ZFAT: variants seen among roughly 807,000 people sequenced by gnomAD.
ZFAT encodes zinc finger protein ZFAT.
ZFAT carries 64 observed loss-of-function variants against 117.7 expected under a neutral mutation model. The ratio of observed to expected loss-of-function variants is 0.54; its 90% CI spans 0.44 to 0.67. The LOEUF is 0.67. Ranked by LOEUF, ZFAT falls within the 30% of genes least tolerant of loss-of-function variation. ZFAT has a pLI of 0.00. For synonymous variants in ZFAT, 679 were observed against 615.0 expected, an observed-to-expected ratio of 1.10 and a Z score of -1.54; for missense variants, 1,433 against 1,584.5, an observed-to-expected ratio of 0.90 and a Z score of 1.62.
rs139556961 is a variant in ZFAT at position 134,674,027 on chromosome 8, A to T, written c.20-16290T>A. Among the ~76,000 whole-genome samples the T allele has an allele frequency of 9.1e-3, 1,383 of 152,328 alleles. 21 individuals are homozygous for T. The highest frequency in any genetic ancestry group is 0.032 in the African/African-American group (1,315 of 41,566). On this transcript the variant is annotated intron_variant, in intron 1 of 15. Transcript: ENST00000377838. Reference sequence around the variant, plus strand: ...TGGTCTGCAGCTCCCAGTGAGAGCGAAGCAGAAGGTGGGTAATTCCTGCAT... The same window carrying T: ...TGGTCTGCAGCTCCCAGTGAGAGCGTAGCAGAAGGTGGGTAATTCCTGCAT...
At chr8:134,523,610 A>G (rs78711109) in intron 12 of ZFAT, among the ~76,000 whole-genome samples, 717 of 152,274 alleles carry the variant, frequency 4.7e-3, no homozygotes, top group Non-Finnish European at 7.6e-3. Flanking sequence ...AAACCCTTCC[A>G]ATGGTCTTCT....
chr8:134,482,148 GTCTCCCACCTTGACTTCT>G (rs1301608931), intron 15 of ZFAT, among the ~76,000 whole-genome samples: 1 of 152,084 alleles, frequency 6.6e-6, no homozygotes, highest in African/African-American at 2.4e-5. Context: ...GGATTCCTGG[GTCTCCCACCTTGACTTCT>G]TCTCTGACCC....
At chr8:134,688,057 G>A (rs970967854) in intron 1 of ZFAT, among the ~76,000 whole-genome samples, 1 of 152,130 alleles carries the variant, frequency 6.6e-6, no homozygotes, top group Non-Finnish European at 1.5e-5. Flanking sequence ...CTCAAAAATG[G>A]AGATAACCAC....
chr8:134,646,149 C>G (rs1385911596), intron 2 of ZFAT, among the ~76,000 whole-genome samples: 1 of 152,090 alleles, frequency 6.6e-6, no homozygotes, highest in East Asian at 1.9e-4. Flanking sequence ...GCGGAGGTTG[C>G]AGTGAGCCGA....
chr8:134,696,548 C>G lies in ZFAT; in HGVS notation c.19+16297G>C, dbSNP rs114710253. On this transcript the variant is annotated intron_variant, in intron 1 of 15. Coordinates refer to ENST00000377838, the MANE Select transcript of ZFAT (RefSeq NM_020863.4). ...CATCTACACCCTTTCTTCTCAGACTCCTGCACTCTCCCAGGAAGCCCTACC... is the reference window on the plus strand; with the variant it reads ...CATCTACACCCTTTCTTCTCAGACTGCTGCACTCTCCCAGGAAGCCCTACC... 1.9e-4 allele frequency: 186 copies of G among 986,126 alleles called. No homozygotes were observed. The African/African-American group carries it at 2.8e-3, about 15-fold the overall frequency. 61.1% of individuals were successfully genotyped at this position (986,126 alleles called of 1,614,324 possible).
At chr8:134,637,792 A>T in intron 2 of ZFAT, 80 bp from the exon 3 acceptor site, 16 of 1,525,894 alleles carry the variant, frequency 1.0e-5, no homozygotes, top group Non-Finnish European at 1.4e-5. Flanking sequence ...AAGTGTGAGG[A>T]TATGTTCAGG....
At chr8:134,578,282 G>A (rs935163172) in intron 10 of ZFAT, among the ~76,000 whole-genome samples, 3 of 151,744 alleles carry the variant, frequency 2.0e-5, no homozygotes, top group African/African-American at 4.8e-5. Flanking sequence ...GTGGTGGTGG[G>A]TGCCTGTAAT....
the ZFAT span, among the ~76,000 whole-genome samples, chr8:134,788,617 A>C: frequency 6.6e-6 from 1 of 152,138 alleles, no homozygotes; most frequent in Non-Finnish European, 1.5e-5. Flanking sequence ...GATCCTCTGC[A>C]TCTGATTTTT....
At chr8:134,691,773 T>A (rs929082294) in intron 1 of ZFAT, among the ~76,000 whole-genome samples, 2 of 152,186 alleles carry the variant, frequency 1.3e-5, no homozygotes, top group East Asian at 3.8e-4. Flanking sequence ...CTCAATAGAT[T>A]GTAAGCTCCA....
intron 1 of ZFAT, among the ~76,000 whole-genome samples, chr8:134,683,351 G>A (rs1833159441): frequency 6.6e-6 from 1 of 152,192 alleles, no homozygotes; most frequent in Admixed American, 6.5e-5. Context: ...ACAGCTACTT[G>A]ATGAATCGCA....
At chr8:134,746,721 T>G in the ZFAT span, among the ~76,000 whole-genome samples, 1 of 152,232 alleles carries the variant, frequency 6.6e-6, no homozygotes, top group Non-Finnish European at 1.5e-5. Context: ...AAGTAAGTTT[T>G]TTAGCTCTTC....
chr8:134,706,155 C>G (rs1380769004), intron 1 of ZFAT, among the ~76,000 whole-genome samples: 3 of 152,166 alleles, frequency 2.0e-5, no homozygotes, highest in Non-Finnish European at 4.4e-5. Flanking sequence ...AATTCCACTC[C>G]TATGTACTTA....
chr8:134,535,417 A>C (rs895791638), intron 11 of ZFAT, among the ~76,000 whole-genome samples: 3 of 151,030 alleles, frequency 2.0e-5, no homozygotes, highest in African/African-American at 7.3e-5. Context: ...CTTTCTTACT[A>C]TTCAACTGAT....
chr8:134,772,922 AAAC>A, the ZFAT span, among the ~76,000 whole-genome samples: 80 of 151,646 alleles, frequency 5.3e-4, no homozygotes, highest in African/African-American at 1.8e-3. Context: ...AAAAAGAACA[AAAC>A]AACAACAACA....
intron 11 of ZFAT, among the ~76,000 whole-genome samples, chr8:134,558,652 A>G (rs2130739338): frequency 6.6e-6 from 1 of 152,338 alleles, no homozygotes; most frequent in Non-Finnish European, 1.5e-5. Flanking sequence ...AACCACGATC[A>G]GGCTGGGTTA....
At chr8:134,712,719 G>C in intron 1 of ZFAT, 126 bp downstream of exon 1, 1 of 636,190 alleles carries the variant, frequency 1.6e-6, no homozygotes, top group South Asian at 2.8e-5. Flanking sequence ...GGATCCCTCC[G>C]CGGCCGGCGG....
intron 15 of ZFAT, among the ~76,000 whole-genome samples, chr8:134,486,467 C>T (rs1486692326): frequency 6.6e-6 from 1 of 152,146 alleles, no homozygotes. Flanking sequence ...TAAATTGAAT[C>T]AGGTTCCTAT....
upstream of ZFAT, among the ~76,000 whole-genome samples, chr8:134,716,141 A>ATT (rs61064729): frequency 0.33 from 48,555 of 147,564 alleles, 8,304 homozygotes; most frequent in South Asian, 0.4. Context: ...CCTAAAATTT[A>ATT]TTTATATATA....
the ZFAT span, among the ~76,000 whole-genome samples, chr8:134,813,940 A>G: frequency 1.3e-5 from 2 of 152,132 alleles, no homozygotes; most frequent in African/African-American, 4.8e-5. Context: ...CAAAAATTAC[A>G]ATTATGAACA....
Sources: gnomAD v4.1 joint callset for allele counts (sites outside exome capture counted in the v4.1 genomes callset) on GRCh38, gnomAD v4.1.1 for gene constraint, MANE v1.5 for transcripts, NCBI Gene and HGNC (gene_info 2026-07-23, HGNC 2026-07-21) for gene names.